TNXB: variants seen among roughly 807,000 people sequenced by gnomAD.
TNXB encodes the protein tenascin-X.
TNXB carries 183 observed loss-of-function variants against 340.5 expected under a neutral mutation model. The ratio of observed to expected loss-of-function variants is 0.54; its 90% CI spans 0.48 to 0.61. The LOEUF is 0.61. Ranked by LOEUF, TNXB falls within the 20% of genes least tolerant of loss-of-function variation. The probability of loss-of-function intolerance (pLI) is 0.00; values close to 1 mark genes in which losing one functional copy is unlikely to be tolerated. For synonymous variants in TNXB, 2,121 were observed against 2,314.5 expected (o/e 0.92, Z 2.40); for missense variants, 4,613 against 5,446.4 (o/e 0.85, Z 4.82).
rs2127259570 is a variant in TNXB at position 32,083,456 on chromosome 6, A to G, written c.3445+957T>C. On this transcript the variant is annotated intron_variant, in intron 8 of 43. Transcript: ENST00000644971. The surrounding 1 kb of genome is among the most constrained non-coding windows in gnomAD (Gnocchi z 4.6). ...ACAACTGACTCTCAATAAATGCACAAAAGGTATTTATGTAAGTGTCTCTTA... is the reference window on the plus strand; with the variant it reads ...ACAACTGACTCTCAATAAATGCACAGAAGGTATTTATGTAAGTGTCTCTTA... Among the ~76,000 whole-genome samples the G allele has an allele frequency of 6.6e-6, 1 of 152,298 alleles. No homozygotes were observed. The highest frequency in any genetic ancestry group is 3.4e-3 in the Middle Eastern group (1 of 294).
At position 32,068,422 on chromosome 6, in the gene TNXB, C is replaced by G. The variant is rs747409043; in HGVS notation, c.6188G>C (p.Arg2063Pro). 6 of 1,613,870 alleles carry G rather than the reference C, an allele frequency of 3.7e-6. No homozygotes were observed. The South Asian group carries it at 6.6e-5, about 18-fold the overall frequency. Residue 2063 changes from arginine (R) to proline (P), a missense_variant, in exon 17 of 44, where the codon CGC becomes CCC. Arg to Pro is a moderately radical substitution (Grantham distance 103). Transcript: ENST00000644971. This position sits in a 1 kb window ranked among gnomAD's most constrained non-coding sequence, Gnocchi z 5.3. ...CCCGACGACAGACACAGGGCCCATG[C>G]GCTGGCCACCGTGGAAGCCGTACAG... Reference protein sequence around the residue: ...MNLYGFHGGQRMGPVSVVGVT... With the variant: ...MNLYGFHGGQPMGPVSVVGVT...
rs372556970 is a variant in TNXB, at chr6:32,084,712, G to A, written c.3149-3C>T. 6.4e-4 allele frequency: 992 copies of A among 1,554,892 alleles called. 2 individuals are homozygous for A. The highest frequency in any genetic ancestry group is 8.0e-4 in the Non-Finnish European group (920 of 1,147,848). The stretch of plus-strand genomic sequence containing the variant: ...CCCAGGCTTCTCCTCATCCTTGTCT[G>A]GAGTTTGAGAGGCAAAAGCAAAGCA... On this transcript the variant is annotated splice_region_variant and splice_polypyrimidine_tract_variant and intron_variant, in intron 7 of 43. Coordinates refer to ENST00000644971, the MANE Select transcript of TNXB (RefSeq NM_001365276.2). This position sits in a 1 kb window ranked among gnomAD's most constrained non-coding sequence, Gnocchi z 5.5.
chr6:32,050,401 T>A lies in TNXB; in HGVS notation c.9116-80A>T, dbSNP rs1777210045. 17 of 1,552,132 alleles carry A rather than the reference T, an allele frequency of 1.1e-5. 1 individual carries two copies. In the South Asian group the frequency reaches 2.0e-4, roughly 18 times the overall value. ...AAAGGATGTGTCACAAAACACAAAG[T>A]GCCCAAGAACAGGACGATGCTGCCC... On this transcript the variant is annotated intron_variant, in intron 26 of 43. Transcript: ENST00000644971.
At position 32,069,925 on chromosome 6, in the gene TNXB, G is replaced by A; in HGVS notation, c.5279-64C>T. 1 of 1,486,390 alleles carries A rather than the reference G, an allele frequency of 6.7e-7. No homozygotes were observed. The highest frequency in any genetic ancestry group is 9.0e-7 in the Non-Finnish European group (1 of 1,108,566). 92.1% of individuals were successfully genotyped at this position (1,486,390 alleles called of 1,614,324 possible). On this transcript the variant is annotated intron_variant, in intron 14 of 43. Transcript: ENST00000644971. The surrounding 1 kb of genome is among the most constrained non-coding windows in gnomAD (Gnocchi z 6.2). The stretch of plus-strand genomic sequence containing the variant: ...TCTGGAAGACTGGGTGACCTCGACG[G>A]GCAGGATTGAGAGGTCTGGAGACAG...
In TNXB at chr6:32,047,619, A is replaced by G; in HGVS notation, c.10324+115T>C. ...CACAGAGGGACTCACTTTCGGAGTT[A>G]AGATGGTTGTGTCAGGGCTGATAGA... On this transcript the variant is annotated intron_variant, in intron 30 of 43. Transcript: ENST00000644971. This position sits in a 1 kb window ranked among gnomAD's most constrained non-coding sequence, Gnocchi z 6.2. The G allele has an allele frequency of 2.4e-6, 3 of 1,239,506 alleles. No individual in the cohort carries two copies. The highest frequency in any genetic ancestry group is 2.4e-5 in the East Asian group (1 of 40,826). 76.8% of individuals were successfully genotyped at this position (1,239,506 alleles called of 1,614,324 possible). A position where few individuals can be genotyped will look rare whatever the true frequency, so the allele number is the denominator to read the frequency against.
rs779480913 is a variant in TNXB, at chr6:32,056,032, G to A, written c.8286C>T (p.His2762=). The change falls in exon 24 of 44, where the codon CAC becomes CAT. Residue 2762 remains histidine (H), a synonymous_variant. Coordinates refer to ENST00000644971, the MANE Select transcript of TNXB (RefSeq NM_001365276.2). ...LSLSWTIPQG[H]FDSFTVQYKD... Reference sequence around the variant, plus strand: ...TGTACTGCACGGTGAAGGAGTCGAAGTGGCCCTGGGGGATGGTCCAGGAGA... The same window carrying A: ...TGTACTGCACGGTGAAGGAGTCGAAATGGCCCTGGGGGATGGTCCAGGAGA... The A allele has an allele frequency of 5.6e-6, 9 of 1,612,998 alleles. No homozygotes were observed. The African/African-American group carries it at 8.0e-5, about 14-fold the overall frequency.
Position 32,096,906 on chromosome 6 carries a change from C to T in TNXB, c.947G>A (p.Ser316Asn), listed in dbSNP as rs745505849. 2 of 1,609,594 alleles carry T rather than the reference C, an allele frequency of 1.2e-6. No homozygotes were observed. The highest frequency in any genetic ancestry group is 8.5e-7 in the Non-Finnish European group (1 of 1,177,908). The part of the protein sequence containing the change: ...CGVRSCPRGC[S>N]QRGRCKDGRC... ...CCCGTCCTTGCAGCGTCCCCGCTGG[C>T]TGCAGCCCCGAGGGCAGCTCCTCAC... Residue 316 changes from serine (S) to asparagine (N), a missense_variant, in exon 3 of 44, where the codon AGC (serine) becomes AAC (asparagine). Transcript: ENST00000644971.
In TNXB at chr6:32,052,531, G is replaced by T; in HGVS notation, c.9115+139C>A. ...GGCCAAGCCTGCTGAATCCAAATCT[G>T]CTTTTTAACAAAAATCTCCAGGCAT... On this transcript the variant is annotated intron_variant, in intron 26 of 43. Coordinates refer to ENST00000644971, the MANE Select transcript of TNXB (RefSeq NM_001365276.2). The surrounding 1 kb of genome is among the most constrained non-coding windows in gnomAD (Gnocchi z 4.7). 8.3e-7 allele frequency: 1 copy of T among 1,207,062 alleles called. No homozygotes were observed. The highest frequency in any genetic ancestry group is 1.1e-6 in the Non-Finnish European group (1 of 883,872). 74.8% of individuals were successfully genotyped at this position (1,207,062 alleles called of 1,614,324 possible).
Position 32,097,420 on chromosome 6 carries a change from G to C in TNXB, c.433C>G (p.Leu145Val). Residue 145 changes from leucine (L) to valine (V), a missense_variant, in exon 3 of 44, where the codon CTC (leucine) becomes GTC (valine). This residue lies in a region of TNXB where 4,327 missense variants were observed against 4,859.4 expected (regional missense o/e 0.89). Coordinates refer to ENST00000644971, the MANE Select transcript of TNXB (RefSeq NM_001365276.2). This position sits in a 1 kb window ranked among gnomAD's most constrained non-coding sequence, Gnocchi z 5.9. Reference sequence around the variant, plus strand: ...CGGCTCAGATCAAACACACCATGGAGACTGCAGAGGGTCCGCACATCTGTC... The same window carrying C: ...CGGCTCAGATCAAACACACCATGGACACTGCAGAGGGTCCGCACATCTGTC... ...GQTDVRTLCS[L>V]HGVFDLSRCT... is the part of the protein sequence containing the mutation. The C allele has an allele frequency of 6.2e-7, 1 of 1,604,134 alleles. No homozygotes were observed. The highest frequency in any genetic ancestry group is 1.1e-5 in the South Asian group (1 of 91,038).
rs1271929037 is a variant in TNXB at position 32,084,573 on chromosome 6, C to T, written c.3285G>A (p.Gln1095=). The change falls in exon 8 of 44, where the codon CAG becomes CAA. Residue 1095 remains glutamine (Q), a synonymous_variant. Coordinates refer to ENST00000644971, the MANE Select transcript of TNXB (RefSeq NM_001365276.2). The surrounding 1 kb of genome is among the most constrained non-coding windows in gnomAD (Gnocchi z 5.5). ...GGGGCTGCCCGTCCCTGTCTTTGTA[C>T]TGGATCACGAAGGAGTCAAACTCGC... ...PEGEFDSFVI[Q]YKDRDGQPQV... The T allele has an allele frequency of 1.2e-6, 2 of 1,608,638 alleles. No homozygotes were observed. Among genetic ancestry groups the T allele is most frequent in the Admixed American group, 3.3e-5 (2 of 59,968 alleles).
At position 32,049,619 on chromosome 6, in the gene TNXB, G is replaced by T; in HGVS notation, c.9440-32C>A. 6.3e-7 allele frequency: 1 copy of T among 1,597,996 alleles called. No homozygotes were observed. Among genetic ancestry groups the T allele is most frequent in the South Asian group, 1.1e-5 (1 of 90,412 alleles). ...TGGAGAAGGAGGGAGAGAGAGTGAG[G>T]GGGATGTCCTTGGGTCCTGGGGAAA... On this transcript the variant is annotated intron_variant, in intron 27 of 43. Coordinates refer to ENST00000644971, the MANE Select transcript of TNXB (RefSeq NM_001365276.2). The surrounding 1 kb of genome is among the most constrained non-coding windows in gnomAD (Gnocchi z 4.5).
chr6:32,093,784 T>C (rs1021569552), intron 4 of TNXB, among the ~76,000 whole-genome samples: 2 of 152,150 alleles, frequency 1.3e-5, no homozygotes, highest in Admixed American at 1.3e-4. Flanking sequence ...GTGTTCCCTC[T>C]AATGTTTTAA....
rs1227021115 is a variant in TNXB, at chr6:32,075,574, C to A, written c.4376-1622G>T. ...TACTAGGCTCTGCTTTTCCCCACCA[C>A]TCATCACTGTCACATCCGGTGCCAC... On this transcript the variant is annotated intron_variant, in intron 11 of 43. Coordinates refer to ENST00000644971, the MANE Select transcript of TNXB (RefSeq NM_001365276.2). The surrounding 1 kb of genome is among the most constrained non-coding windows in gnomAD (Gnocchi z 4.6). Among the ~76,000 whole-genome samples, 1 of 152,238 alleles carries A rather than the reference C, an allele frequency of 6.6e-6. No homozygotes were observed. Among genetic ancestry groups the A allele is most frequent in the Non-Finnish European group, 1.5e-5 (1 of 68,048 alleles).
In TNXB at chr6:32,055,890, C is replaced by T. The variant is rs1013566833; in HGVS notation, c.8428G>A (p.Gly2810Arg). The T allele has an allele frequency of 1.2e-6, 2 of 1,613,072 alleles. No homozygotes were observed. Among genetic ancestry groups the T allele is most frequent in the South Asian group, 2.2e-5 (2 of 91,076 alleles). Residue 2810 changes from glycine (G) to arginine (R), a missense_variant, in exon 24 of 44, where the codon GGG (glycine) becomes AGG (arginine). Coordinates refer to ENST00000644971, the MANE Select transcript of TNXB (RefSeq NM_001365276.2). ...YKMHLYGLHEGRRVGPVSTVG... is the reference protein window; with the variant it reads ...YKMHLYGLHERRRVGPVSTVG... ...GTGGACACCGGGCCCACACGCCGCCCCTCGTGGAGGCCGTACAGGTGCATC... is the reference window on the plus strand; with the variant it reads ...GTGGACACCGGGCCCACACGCCGCCTCTCGTGGAGGCCGTACAGGTGCATC...
chr6:32,048,125 C>T, intron 29 of TNXB, 113 bp from the exon 30 acceptor site: 1 of 1,331,842 alleles, frequency 7.5e-7, no homozygotes, highest in South Asian at 1.4e-5. Flanking sequence ...GGTGACTGGG[C>T]CAGGAGTAGG....
At chr6:32,054,206 G>A (rs1267806403) in intron 24 of TNXB, among the ~76,000 whole-genome samples, 34 of 151,894 alleles carry the variant, frequency 2.2e-4, no homozygotes, top group Admixed American at 2.2e-3. Flanking sequence ...CCCAATCCTA[G>A]TTTGAGCCAC....
At chr6:32,105,113 C>T (rs1181781651) in intron 1 of TNXB, among the ~76,000 whole-genome samples, 1 of 152,184 alleles carries the variant, frequency 6.6e-6, no homozygotes, top group African/African-American at 2.4e-5. Flanking sequence ...ATTTCCCTCC[C>T]TCCCTCCATT....
intron 18 of TNXB, among the ~76,000 whole-genome samples, chr6:32,066,467 T>C (rs746177886): frequency 6.6e-6 from 1 of 152,198 alleles, no homozygotes; most frequent in Non-Finnish European, 1.5e-5. Context: ...ACATGCTACA[T>C]TGATGAACCT....
At chr6:32,103,429 C>CAAA (rs9281651) in intron 1 of TNXB, among the ~76,000 whole-genome samples, 1 of 129,776 alleles carries the variant, frequency 7.7e-6, no homozygotes. Flanking sequence ...GACTCCATCT[C>CAAA]AAAAAAAAAA....
Sources: allele counts gnomAD v4.1 joint callset (sites outside exome capture counted in the v4.1 genomes callset), GRCh38; gene constraint gnomAD v4.1.1; regional missense constraint gnomAD v4.1.1; non-coding constraint Gnocchi (gnomAD v3.1); transcripts MANE v1.5; gene names NCBI Gene and HGNC (gene_info 2026-07-23, HGNC 2026-07-21).